Variants in CHMP3 observed in about 807,000 individuals in gnomAD.
The protein encoded by CHMP3 is charged multivesicular body protein 3.
CHMP3 carries 8 observed loss-of-function variants against 27.4 expected under a neutral mutation model. That is an observed-to-expected ratio of 0.29 (90% CI 0.17 to 0.53). The LOEUF is 0.53. Ranked by LOEUF, CHMP3 falls within the 20% of genes least tolerant of loss-of-function variation. CHMP3 has a pLI of 0.96. For synonymous variants in CHMP3, 86 were observed against 85.5 expected (o/e 1.01, Z -0.03); for missense variants, 208 against 271.5 (o/e 0.77, Z 1.64).
chr2:86,560,380 T>TA (rs1677303068), intron 1 of CHMP3, among the ~76,000 whole-genome samples: 1 of 151,976 alleles, frequency 6.6e-6, no homozygotes, highest in Admixed American at 6.6e-5. Context: ...TATGAAGCCA[T>TA]AAAAAAGGAT....
rs1482755643 is a variant in CHMP3 at position 86,510,402 on chromosome 2, CTG to C, written c.362_363del (p.Pro121ArgfsTer28). On this transcript the variant is annotated frameshift_variant, in exon 4 of 6. Coordinates refer to ENST00000263856, the MANE Select transcript of CHMP3 (RefSeq NM_016079.4). LOFTEE classifies it high-confidence loss of function. ...AACTCCCTCATGGTGGCCTGAATCT[CTG>C]GAATCTTCACAAGACTTTGCATGGC... The part of the protein sequence containing the change: ...MKAMQSLVKI[P>X]EIQATMRELS... The C allele has an allele frequency of 6.2e-7, 1 of 1,613,852 alleles. No homozygotes were observed. The highest frequency in any genetic ancestry group is 8.5e-7 in the Non-Finnish European group (1 of 1,179,934).
At chr2:86,557,298 T>C (rs1056941858) in intron 1 of CHMP3, among the ~76,000 whole-genome samples, 5 of 152,214 alleles carry the variant, frequency 3.3e-5, no homozygotes, top group Admixed American at 3.3e-4. Context: ...CCACATGCAG[T>C]AGTTCAGCAA....
At chr2:86,547,930 T>C (rs1314764187) in intron 1 of CHMP3, among the ~76,000 whole-genome samples, 3 of 152,210 alleles carry the variant, frequency 2.0e-5, no homozygotes, top group African/African-American at 7.2e-5. Context: ...TTATTCAAAT[T>C]CATTCACAGA....
At chr2:86,542,112 G>T in intron 2 of CHMP3, 140 bp downstream of exon 2, 1 of 864,880 alleles carries the variant, frequency 1.2e-6, no homozygotes. Context: ...GAATTAAAAA[G>T]CAAAATCAGT....
At chr2:86,509,398 G>A (rs1188526787) in intron 4 of CHMP3, among the ~76,000 whole-genome samples, 2 of 152,108 alleles carry the variant, frequency 1.3e-5, no homozygotes, top group East Asian at 3.8e-4. Flanking sequence ...CAAACAACCT[G>A]GGCCCTGGGC....
chr2:86,529,741 T>C (rs1392791127), intron 2 of CHMP3, among the ~76,000 whole-genome samples: 2 of 152,186 alleles, frequency 1.3e-5, no homozygotes, highest in East Asian at 3.9e-4. Context: ...TTCTATACAG[T>C]CACCAATCAT....
chr2:86,552,770 C>T (rs909907526), intron 1 of CHMP3, among the ~76,000 whole-genome samples: 2 of 152,178 alleles, frequency 1.3e-5, no homozygotes, highest in Non-Finnish European at 2.9e-5. Context: ...TCTTATCAAA[C>T]TTAGATCCAA....
At chr2:86,508,575 A>G (rs1674975781) in intron 4 of CHMP3, among the ~76,000 whole-genome samples, 1 of 152,094 alleles carries the variant, frequency 6.6e-6, no homozygotes, top group Admixed American at 6.5e-5. Context: ...ACCTGAAAAA[A>G]CTAAGTCCCT....
intron 1 of CHMP3, among the ~76,000 whole-genome samples, chr2:86,550,065 C>T (rs2104019964): frequency 6.6e-6 from 1 of 152,346 alleles, no homozygotes; most frequent in Non-Finnish European, 1.5e-5. Context: ...GAGATCACGC[C>T]ACTGCACTCC....
rs1674860040 is a variant in CHMP3 at position 86,505,667 on chromosome 2, C to G, written c.*137G>C. Reference sequence around the variant, plus strand: ...GAACAATCCCTTTGCGATCCCAAAACCTGGGCAGAGAATGAAAAGAGACAA... The same window carrying G: ...GAACAATCCCTTTGCGATCCCAAAAGCTGGGCAGAGAATGAAAAGAGACAA... On this transcript the variant is annotated 3_prime_UTR_variant, in exon 6 of 6. Coordinates refer to ENST00000263856, the MANE Select transcript of CHMP3 (RefSeq NM_016079.4). 8.1e-7 allele frequency: 1 copy of G among 1,236,690 alleles called. No homozygotes were observed. Among genetic ancestry groups the G allele is most frequent in the Non-Finnish European group, 1.0e-6 (1 of 956,552 alleles). The allele number at this position is 1,236,690 out of a possible 1,614,324, so 76.6% of individuals were successfully genotyped here.
Position 86,563,434 on chromosome 2 carries a change from G to T in CHMP3, c.-86C>A, listed in dbSNP as rs1448880300. ...GGGCAGCCGCCTGGGCGGGGCCCGC[G>T]GAAAAGGAGGTAGTCCCAACCCCCA... On this transcript the variant is annotated 5_prime_UTR_variant, in exon 1 of 6. Transcript: ENST00000263856. The T allele has an allele frequency of 6.5e-7, 1 of 1,533,164 alleles. No individual in the cohort carries two copies. The highest frequency in any genetic ancestry group is 1.4e-5 in the African/African-American group (1 of 73,408). The allele number at this position is 1,533,164 out of a possible 1,614,324, so 95.0% of individuals were successfully genotyped here.
intron 1 of CHMP3, chr2:86,562,293 T>C (rs1677403256): frequency 2.0e-5 from 3 of 152,118 alleles, no homozygotes; most frequent in Admixed American, 2.0e-4. Context: ...TTTTCCATTA[T>C]GGACAAGCCT....
intron 3 of CHMP3, 64 bp downstream of exon 3, chr2:86,529,154 C>A: frequency 1.4e-6 from 2 of 1,423,592 alleles, no homozygotes; most frequent in South Asian, 1.7e-5. Flanking sequence ...ATTCAAGGAA[C>A]CCGTGTTGAT....
intron 3 of CHMP3, among the ~76,000 whole-genome samples, chr2:86,515,470 G>A (rs1469232185): frequency 2.6e-5 from 4 of 152,044 alleles, no homozygotes; most frequent in Non-Finnish European, 5.9e-5. Context: ...TTATAGGTGT[G>A]CGCCACCATG....
intron 3 of CHMP3, among the ~76,000 whole-genome samples, chr2:86,517,432 G>A (rs1020895830): frequency 6.6e-6 from 1 of 151,996 alleles, no homozygotes; most frequent in African/African-American, 2.4e-5. Context: ...TGGGTGTGGT[G>A]GCGGGCACCT....
chr2:86,523,538 A>T (rs1675596344), intron 3 of CHMP3, among the ~76,000 whole-genome samples: 1 of 152,202 alleles, frequency 6.6e-6, no homozygotes. Context: ...TGCCTAGCAC[A>T]TAATAGGGCT....
intron 1 of CHMP3, among the ~76,000 whole-genome samples, chr2:86,549,257 C>T (rs150566639): frequency 0.043 from 5,530 of 127,704 alleles, 224 homozygotes; most frequent in East Asian, 0.15. Context: ...GCCTCCCAGA[C>T]GGGGCGGCAG....
chr2:86,539,207 G>A (rs745789623), intron 2 of CHMP3, among the ~76,000 whole-genome samples: 6 of 152,080 alleles, frequency 3.9e-5, no homozygotes, highest in Non-Finnish European at 8.8e-5. Context: ...AACATTTAAA[G>A]CAATCACATT....
At chr2:86,511,780 G>C (rs1380482871) in intron 3 of CHMP3, 1 of 152,098 alleles carries the variant, frequency 6.6e-6, no homozygotes, top group African/African-American at 2.4e-5. Context: ...GTAACCCAGA[G>C]AGAGTACCTG....
Sources: gnomAD v4.1 joint callset for allele counts (sites outside exome capture counted in the v4.1 genomes callset) on GRCh38, gnomAD v4.1.1 for gene constraint, MANE v1.5 for transcripts, NCBI Gene and HGNC (gene_info 2026-07-23, HGNC 2026-07-21) for gene names.